The following FHAD1 variants were observed in gnomAD, a reference collection of about 807,000 sequenced individuals.
The protein encoded by FHAD1 is forkhead associated phosphopeptide binding domain 1.
In FHAD1, 146 loss-of-function variants were observed where a neutral mutation model predicts 191.3. The observed-to-expected ratio is 0.76, with a 90% CI of 0.67 to 0.88. The LOEUF (loss-of-function observed/expected upper bound fraction) is 0.88, where lower values mean the gene tolerates loss of function less well. Among genes scored for constraint, FHAD1 ranks in the 40% least tolerant of loss-of-function variants. The pLI, the probability that FHAD1 is intolerant of heterozygous loss-of-function variation, is 0.00. For synonymous variants in FHAD1, 616 were observed against 672.3 expected, an observed-to-expected ratio of 0.92 and a Z score of 1.29; for missense variants, 1,635 against 1,785.8, an observed-to-expected ratio of 0.92 and a Z score of 1.52.
At chr1:15,380,585 A>G in intron 28 of FHAD1, 116 bp from the exon 29 acceptor site, 2 of 772,334 alleles carry the variant, frequency 2.6e-6, no homozygotes, top group Non-Finnish European at 4.4e-6. Context: ...CAGGACGCGG[A>G]CTGAAAATCA....
At chr1:15,338,674 C>T (rs1016101249) in intron 14 of FHAD1, among the ~76,000 whole-genome samples, 6 of 152,138 alleles carry the variant, frequency 3.9e-5, no homozygotes, top group African/African-American at 1.4e-4. Flanking sequence ...GAATTCTGCC[C>T]ACCCAACAGC....
upstream of FHAD1, among the ~76,000 whole-genome samples, chr1:15,243,907 G>A (rs944159881): frequency 6.6e-6 from 1 of 152,196 alleles, no homozygotes; most frequent in African/African-American, 2.4e-5. Flanking sequence ...AATCCTGCCA[G>A]ATTTTCTAGC....
At chr1:15,364,846 C>T (rs950193302) in intron 23 of FHAD1, among the ~76,000 whole-genome samples, 1 of 152,156 alleles carries the variant, frequency 6.6e-6, no homozygotes, top group African/African-American at 2.4e-5. Flanking sequence ...CCCACCAAGG[C>T]GCCTCCCCTG....
intron 33 of FHAD1, among the ~76,000 whole-genome samples, chr1:15,396,027 G>C (rs1245354216): frequency 6.6e-6 from 1 of 152,052 alleles, no homozygotes; most frequent in African/African-American, 2.4e-5. Context: ...ATATGTAAAG[G>C]GACCAGGCTT....
At position 15,381,724 on chromosome 1, in the gene FHAD1, G is replaced by A. The variant is rs74057321; in HGVS notation, c.4022+273G>A. ...CACCTCTTGCGACCCTTGACTTATGGTTTCCCAGTTGTGTAGCATTGACAG... is the reference window on the plus strand; with the variant it reads ...CACCTCTTGCGACCCTTGACTTATGATTTCCCAGTTGTGTAGCATTGACAG... On this transcript the variant is annotated intron_variant, in intron 30 of 33. Coordinates refer to ENST00000688493, the MANE Select transcript of FHAD1 (RefSeq NM_001391957.1). The surrounding 1 kb of genome is among the most constrained non-coding windows in gnomAD (Gnocchi z 4.6). Among the ~76,000 whole-genome samples, 9,532 of 145,662 alleles carry A rather than the reference G, an allele frequency of 0.065. 569 individuals carry two copies. The highest frequency in any genetic ancestry group is 0.16 in the African/African-American group (6,396 of 39,534).
At chr1:15,267,143 C>A (rs1258195984) in intron 2 of FHAD1, among the ~76,000 whole-genome samples, 1 of 152,158 alleles carries the variant, frequency 6.6e-6, no homozygotes, top group African/African-American at 2.4e-5. Flanking sequence ...ATACAGATGG[C>A]AAATAAGCAT....
At chr1:15,313,218 C>G in intron 8 of FHAD1, 31 bp downstream of exon 8, 1 of 1,548,904 alleles carries the variant, frequency 6.5e-7, no homozygotes, top group East Asian at 2.4e-5. Flanking sequence ...CACCTTGTAG[C>G]CATCCGGTGA....
chr1:15,263,128 T>C (rs898728621), intron 2 of FHAD1, among the ~76,000 whole-genome samples: 1 of 152,208 alleles, frequency 6.6e-6, no homozygotes, highest in African/African-American at 2.4e-5. Flanking sequence ...TCAAATCCTT[T>C]GCACATTTTT....
intron 2 of FHAD1, among the ~76,000 whole-genome samples, chr1:15,258,797 A>G (rs2100940125): frequency 6.6e-6 from 1 of 152,098 alleles, no homozygotes; most frequent in East Asian, 1.9e-4. Context: ...CATGTTGGCC[A>G]GGCTGGTCTC....
At chr1:15,336,626 T>C (rs1200216970) in intron 14 of FHAD1, among the ~76,000 whole-genome samples, 1 of 152,172 alleles carries the variant, frequency 6.6e-6, no homozygotes, top group Non-Finnish European at 1.5e-5. Flanking sequence ...AAAAAAATCA[T>C]TCTTCTCTGG....
At chr1:15,340,738 T>C (rs1442908219) in intron 15 of FHAD1, among the ~76,000 whole-genome samples, 2 of 152,208 alleles carry the variant, frequency 1.3e-5, no homozygotes, top group African/African-American at 2.4e-5. Flanking sequence ...AGTCCAGGGA[T>C]TGGCAACTTT....
chr1:15,299,607 C>T (rs1252777727), intron 5 of FHAD1, among the ~76,000 whole-genome samples: 1 of 152,152 alleles, frequency 6.6e-6, no homozygotes, highest in African/African-American at 2.4e-5. Context: ...CTACCAAGAC[C>T]GTGTGGAAGG....
upstream of FHAD1, among the ~76,000 whole-genome samples, chr1:15,242,993 G>A (rs1645569428): frequency 6.6e-6 from 1 of 152,170 alleles, no homozygotes; most frequent in Non-Finnish European, 1.5e-5. Context: ...ACCAGGCCCA[G>A]GACAGGTGGG....
At chr1:15,245,764 T>C (rs1175771011), upstream of FHAD1, among the ~76,000 whole-genome samples, 1 of 152,216 alleles carries the variant, frequency 6.6e-6, no homozygotes, top group Non-Finnish European at 1.5e-5. Flanking sequence ...GCTGCATAAA[T>C]CAGGGTTTTG....
upstream of FHAD1, among the ~76,000 whole-genome samples, chr1:15,243,633 C>T (rs947111939): frequency 3.3e-5 from 5 of 152,180 alleles, no homozygotes; most frequent in East Asian, 1.9e-4. Flanking sequence ...TGAGATTTTA[C>T]GGGGGCAGAA....
At chr1:15,393,418 A>ACACACACACGCG (rs1553127037) in intron 33 of FHAD1, among the ~76,000 whole-genome samples, 1 of 128,346 alleles carries the variant, frequency 7.8e-6, no homozygotes, top group African/African-American at 3.9e-5. Context: ...AGATGTGGAC[A>ACACACACACGCG]CACACACACA....
intron 20 of FHAD1, among the ~76,000 whole-genome samples, chr1:15,355,351 C>CAG (rs1482833807): frequency 6.6e-6 from 1 of 152,130 alleles, no homozygotes; most frequent in Non-Finnish European, 1.5e-5. Flanking sequence ...TACAGTCAGG[C>CAG]AGAGAGTTGC....
At position 15,352,909 on chromosome 1, in the gene FHAD1, CA is replaced by C; in HGVS notation, c.2490del (p.Ala831GlnfsTer19). 1 of 1,551,278 alleles carries C rather than the reference CA, an allele frequency of 6.4e-7. No homozygotes were observed. The highest frequency in any genetic ancestry group is 8.7e-7 in the Non-Finnish European group (1 of 1,146,920). On this transcript the variant is annotated frameshift_variant, in exon 20 of 34. Transcript: ENST00000688493. LOFTEE classifies it high-confidence loss of function. ...AGAGCAACATTGCGTACGAGAAACG[CA>C]AAGCAAAGGAGGCCATGGAGAAGGA... ...SESNIAYEKR[K>X]AKEAMEKEKK...
At position 15,318,067 on chromosome 1, in the gene FHAD1, G is replaced by T; in HGVS notation, c.1365+139G>T. The T allele has an allele frequency of 1.7e-6, 1 of 602,174 alleles. No homozygotes were observed. The allele number at this position is 602,174 out of a possible 1,614,324, so 37.3% of individuals were successfully genotyped here. A position where few individuals can be genotyped will look rare whatever the true frequency, so the allele number is the denominator to read the frequency against. On this transcript the variant is annotated intron_variant, in intron 10 of 33. Transcript: ENST00000688493. This position sits in a 1 kb window ranked among gnomAD's most constrained non-coding sequence, Gnocchi z 4.1. ...AAACTGAGGCTCACACAGGGACAGG[G>T]ACCAGGTTCACTGCATAAAGTAGTT...
Sources: gnomAD v4.1 joint callset for allele counts (sites outside exome capture counted in the v4.1 genomes callset) on GRCh38, gnomAD v4.1.1 for gene constraint, Gnocchi (gnomAD v3.1) non-coding constraint, MANE v1.5 for transcripts, NCBI Gene and HGNC (gene_info 2026-07-23, HGNC 2026-07-21) for gene names.